Variants in FNDC3A observed in about 807,000 individuals in gnomAD.
The protein encoded by FNDC3A is fibronectin type-III domain-containing protein 3A.
Under a neutral mutation model 148.9 loss-of-function variants are expected in FNDC3A, and 32 were observed. The ratio of observed to expected loss-of-function variants is 0.21; its 90% CI spans 0.16 to 0.29. The LOEUF (loss-of-function observed/expected upper bound fraction) is 0.29, where lower values mean the gene tolerates loss of function less well. FNDC3A is among the 10% of genes least tolerant of loss of function. The probability of loss-of-function intolerance (pLI) is 1.00; values close to 1 mark genes in which losing one functional copy is unlikely to be tolerated. For synonymous variants in FNDC3A, 472 were observed against 473.6 expected, an observed-to-expected ratio of 1.00 and a Z score of 0.04; for missense variants, 1,191 against 1,452.8, an observed-to-expected ratio of 0.82 and a Z score of 2.93.
intron 25 of FNDC3A, among the ~76,000 whole-genome samples, chr13:49,203,960 G>T (rs533275402): frequency 1.3e-5 from 2 of 152,312 alleles, no homozygotes; most frequent in South Asian, 4.1e-4. Context: ...TGAGAAGACA[G>T]TGGAGGATTT....
At chr13:49,174,897 T>A (rs1463216912) in intron 12 of FNDC3A, among the ~76,000 whole-genome samples, 2 of 152,330 alleles carry the variant, frequency 1.3e-5, no homozygotes, top group East Asian at 3.9e-4. Context: ...AATACCCAAT[T>A]TAAATAGAAA....
At chr13:49,182,547 C>CT (rs938262556) in intron 14 of FNDC3A, among the ~76,000 whole-genome samples, 169 of 144,816 alleles carry the variant, frequency 1.2e-3, no homozygotes, top group African/African-American at 2.6e-3. Context: ...ATTTTTTTTT[C>CT]TTTTTTTTTT....
At chr13:49,100,293 T>C (rs1879783904) in intron 3 of FNDC3A, among the ~76,000 whole-genome samples, 1 of 152,140 alleles carries the variant, frequency 6.6e-6, no homozygotes, top group African/African-American at 2.4e-5. Context: ...TGATGTATTT[T>C]TAATGATTTT....
chr13:49,028,649 A>G (rs1424917442), intron 2 of FNDC3A, among the ~76,000 whole-genome samples: 1 of 152,250 alleles, frequency 6.6e-6, no homozygotes, highest in Non-Finnish European at 1.5e-5. Context: ...AATTGACTTT[A>G]AGTCAGAAAA....
chr13:49,151,811 G>C (rs910433284), intron 8 of FNDC3A, among the ~76,000 whole-genome samples: 1 of 152,082 alleles, frequency 6.6e-6, no homozygotes, highest in Admixed American at 6.5e-5. Flanking sequence ...TTCCACCTAT[G>C]AGTGAGAACA....
At chr13:48,980,588 T>C (rs1951677136) in intron 1 of FNDC3A, among the ~76,000 whole-genome samples, 1 of 152,178 alleles carries the variant, frequency 6.6e-6, no homozygotes, top group South Asian at 2.1e-4. Flanking sequence ...AGATAAGTTA[T>C]GGTGATTTAA....
chr13:49,061,141 A>G (rs1876655287), intron 2 of FNDC3A, among the ~76,000 whole-genome samples: 1 of 151,600 alleles, frequency 6.6e-6, no homozygotes, highest in Admixed American at 6.6e-5. Flanking sequence ...ATGAGATCTC[A>G]CTCTGTCACT....
At chr13:49,014,616 C>G (rs78510668) in intron 2 of FNDC3A, among the ~76,000 whole-genome samples, 5 of 149,916 alleles carry the variant, frequency 3.3e-5, no homozygotes, top group South Asian at 4.3e-4. Context: ...GATCCCATTT[C>G]TCAATTTTGG....
intron 14 of FNDC3A, among the ~76,000 whole-genome samples, chr13:49,182,228 A>G (rs1482773421): frequency 6.6e-6 from 1 of 151,818 alleles, no homozygotes. Context: ...TACTCAATCA[A>G]TCCTCCCACC....
chr13:49,102,561 A>G (rs1279947262), intron 3 of FNDC3A, among the ~76,000 whole-genome samples: 1 of 152,156 alleles, frequency 6.6e-6, no homozygotes, highest in African/African-American at 2.4e-5. Flanking sequence ...CTATTCTCCC[A>G]TTTGCCACAG....
At chr13:49,029,153 G>A (rs1873935114) in intron 2 of FNDC3A, among the ~76,000 whole-genome samples, 1 of 151,856 alleles carries the variant, frequency 6.6e-6, no homozygotes, top group Non-Finnish European at 1.5e-5. Flanking sequence ...TTTTTTTTTA[G>A]TAGAGACAGG....
At chr13:49,075,800 G>GA (rs1878053912) in intron 3 of FNDC3A, among the ~76,000 whole-genome samples, 1 of 115,228 alleles carries the variant, frequency 8.7e-6, no homozygotes. Context: ...TATCACCACT[G>GA]CCCCCCCCAC....
intron 3 of FNDC3A, among the ~76,000 whole-genome samples, chr13:49,079,937 C>G (rs182135610): frequency 1.7e-3 from 257 of 152,188 alleles, no homozygotes; most frequent in Non-Finnish European, 3.4e-3. Context: ...GCCTTAGCCT[C>G]CTGAGCAGTT....
intron 8 of FNDC3A, chr13:49,146,156 CT>C (rs1311653582): frequency 5.7e-4 from 252 of 445,116 alleles, no homozygotes; most frequent in Middle Eastern, 1.2e-3. Context: ...CCACATTCAG[CT>C]TTTTTTTTCC....
chr13:49,076,547 C>A (rs762736935), intron 3 of FNDC3A, among the ~76,000 whole-genome samples: 1 of 151,918 alleles, frequency 6.6e-6, no homozygotes, highest in South Asian at 2.1e-4. Flanking sequence ...ACCCAGCTCT[C>A]GGTGAGTACA....
chr13:48,989,412 A>G (rs565232196), intron 1 of FNDC3A, among the ~76,000 whole-genome samples: 2 of 152,374 alleles, frequency 1.3e-5, no homozygotes, highest in South Asian at 4.1e-4. Flanking sequence ...GATGATAGTC[A>G]TTAAAACAGT....
At chr13:49,202,524 TAA>T (rs1372317018) in intron 24 of FNDC3A, among the ~76,000 whole-genome samples, 3 of 152,226 alleles carry the variant, frequency 2.0e-5, no homozygotes, top group Admixed American at 2.0e-4. Flanking sequence ...GAAAAGTCTA[TAA>T]AGTTAATTGC....
intron 8 of FNDC3A, among the ~76,000 whole-genome samples, chr13:49,152,624 C>T (rs1341372685): frequency 1.3e-5 from 2 of 151,956 alleles, no homozygotes; most frequent in African/African-American, 2.4e-5. Context: ...ACCACTAACT[C>T]GTCATCTAGC....
intron 1 of FNDC3A, among the ~76,000 whole-genome samples, chr13:48,994,559 A>G (rs1170880140): frequency 1.3e-5 from 2 of 152,184 alleles, no homozygotes; most frequent in Non-Finnish European, 2.9e-5. Flanking sequence ...CGGGCAGATC[A>G]CAAGGTCAGG....
Sources: allele counts gnomAD v4.1 joint callset (sites outside exome capture counted in the v4.1 genomes callset), GRCh38; gene constraint gnomAD v4.1.1; transcripts MANE v1.5; gene names NCBI Gene and HGNC (gene_info 2026-07-23, HGNC 2026-07-21).